ANO3: variants seen among roughly 807,000 people sequenced by gnomAD.
ANO3 encodes the protein anoctamin 3, also known as anoctamin-3.
In ANO3, 99 loss-of-function variants were observed where a neutral mutation model predicts 144.8. The ratio of observed to expected loss-of-function variants is 0.68; its 90% CI spans 0.58 to 0.81. ANO3 has a LOEUF of 0.81. ANO3 is among the 30% of genes least tolerant of loss of function. ANO3 has a pLI of 0.00. For synonymous variants in ANO3, 414 were observed against 392.6 expected (o/e 1.05, Z -0.64); for missense variants, 905 against 1,202.2 (o/e 0.75, Z 3.66).
intron 1 of ANO3, among the ~76,000 whole-genome samples, chr11:26,422,990 G>T (rs1385926917): frequency 3.3e-5 from 5 of 152,080 alleles, no homozygotes; most frequent in Middle Eastern, 6.8e-3. Flanking sequence ...CCGCATTAAA[G>T]ATATATGGGC....
At chr11:26,193,794 A>G (rs1353008415) in intron 1 of ANO3, among the ~76,000 whole-genome samples, 1 of 152,202 alleles carries the variant, frequency 6.6e-6, no homozygotes. Flanking sequence ...TGGTTGGGAC[A>G]GAAGTAGAAG....
chr11:26,356,937 AT>A (rs1402242877), intron 1 of ANO3, among the ~76,000 whole-genome samples: 2 of 152,170 alleles, frequency 1.3e-5, no homozygotes, highest in Non-Finnish European at 2.9e-5. Flanking sequence ...TTATAAGGAC[AT>A]TGGAAATTAT....
At chr11:26,446,361 T>C (rs955500708) in intron 3 of ANO3, among the ~76,000 whole-genome samples, 1 of 152,194 alleles carries the variant, frequency 6.6e-6, no homozygotes, top group Non-Finnish European at 1.5e-5. Context: ...GATTATTGCA[T>C]GGGAATTTCC....
intron 1 of ANO3, chr11:26,208,399 G>C (rs1335821095): frequency 6.6e-6 from 1 of 152,420 alleles, no homozygotes; most frequent in Admixed American, 6.6e-5. Context: ...TGTAGTCCCA[G>C]CTACTCCAGA....
Position 26,437,225 on chromosome 11 carries a change from T to C in ANO3, c.47-4693T>C, listed in dbSNP as rs532990721. 3.6e-4 allele frequency among the ~76,000 whole-genome samples: 55 copies of C among 152,322 alleles called. No homozygotes were observed. In the South Asian group the frequency reaches 4.8e-3, roughly 13 times the overall value. ...GTCTAACCTCCCACTTTGCTGGAGT[T>C]GCAGCCACTTTTGCCAGGAAGCCTG... On this transcript the variant is annotated intron_variant, in intron 1 of 26. Transcript: ENST00000256737.
intron 17 of ANO3, among the ~76,000 whole-genome samples, chr11:26,608,015 C>T (rs114740974): frequency 0.15 from 23,486 of 152,178 alleles, 2,082 homozygotes; most frequent in East Asian, 0.32. Flanking sequence ...AAAAGGTATT[C>T]TGGCCTTTTG....
chr11:26,380,655 T>G (rs1440740008), intron 1 of ANO3, among the ~76,000 whole-genome samples: 1 of 152,164 alleles, frequency 6.6e-6, no homozygotes, highest in Non-Finnish European at 1.5e-5. Flanking sequence ...TTTTAACATA[T>G]GAATTTTCAG....
At chr11:26,192,501 A>C (rs912574204) in intron 1 of ANO3, among the ~76,000 whole-genome samples, 1 of 152,212 alleles carries the variant, frequency 6.6e-6, no homozygotes, top group East Asian at 1.9e-4. Context: ...GTATGTCTAA[A>C]AGGAAGTGTT....
At chr11:26,303,608 C>A (rs1854287730) in intron 1 of ANO3, among the ~76,000 whole-genome samples, 1 of 152,196 alleles carries the variant, frequency 6.6e-6, no homozygotes, top group African/African-American at 2.4e-5. Flanking sequence ...TGCTCACTAC[C>A]TAGCTGATGG....
chr11:26,482,000 C>A (rs546692368), intron 4 of ANO3, among the ~76,000 whole-genome samples: 1 of 151,998 alleles, frequency 6.6e-6, no homozygotes, highest in Non-Finnish European at 1.5e-5. Flanking sequence ...TCAAGCATTC[C>A]ACTCACCTCA....
intron 1 of ANO3, among the ~76,000 whole-genome samples, chr11:26,248,121 T>C (rs1002085190): frequency 6.6e-6 from 1 of 151,876 alleles, no homozygotes; most frequent in Non-Finnish European, 1.5e-5. Flanking sequence ...GGGCGAATCA[T>C]GAGGTAAGGA....
chr11:26,363,062 G>C (rs561476949), intron 1 of ANO3, among the ~76,000 whole-genome samples: 2 of 152,148 alleles, frequency 1.3e-5, no homozygotes, highest in Admixed American at 1.3e-4. Flanking sequence ...AACCTCAGTT[G>C]GTTGGCATAA....
At chr11:26,229,500 T>C (rs1852342993) in intron 1 of ANO3, among the ~76,000 whole-genome samples, 1 of 152,220 alleles carries the variant, frequency 6.6e-6, no homozygotes, top group Non-Finnish European at 1.5e-5. Context: ...ACTTCGCCAA[T>C]GACAAAGTAT....
In ANO3 at chr11:26,534,496, A is replaced by T; in HGVS notation, c.910A>T (p.Thr304Ser). ...NNKDTFFSNATRSRIVYHMLE... is the reference protein window; with the variant it reads ...NNKDTFFSNASRSRIVYHMLE... ...TAAAGACACCTTCTTCAGCAATGCT[A>T]CTCGAAGCAGAATAGTCTATCACAT... Residue 304 changes from threonine to serine, a missense_variant, in exon 9 of 27, where the codon ACT (threonine) becomes TCT (serine). Coordinates refer to ENST00000256737, the MANE Select transcript of ANO3 (RefSeq NM_031418.4). The T allele has an allele frequency of 6.2e-7, 1 of 1,613,276 alleles. No individual in the cohort carries two copies. The highest frequency in any genetic ancestry group is 1.3e-5 in the African/African-American group (1 of 75,038).
At chr11:26,437,521 T>C (rs750551977) in intron 1 of ANO3, among the ~76,000 whole-genome samples, 11 of 152,196 alleles carry the variant, frequency 7.2e-5, no homozygotes, top group Non-Finnish European at 1.0e-4. Context: ...TTCTCCATTC[T>C]CCATTGGTCA....
upstream of ANO3, among the ~76,000 whole-genome samples, chr11:26,308,507 A>G (rs1212827548): frequency 6.6e-6 from 1 of 152,216 alleles, no homozygotes; most frequent in East Asian, 1.9e-4. Context: ...TTAAGCAGAT[A>G]TTTTACAGAA....
intron 11 of ANO3, among the ~76,000 whole-genome samples, chr11:26,545,454 G>T (rs1053454790): frequency 6.6e-6 from 1 of 151,922 alleles, no homozygotes; most frequent in Admixed American, 6.6e-5. Flanking sequence ...GTTGCAATCT[G>T]TTTTTCCATG....
At chr11:26,487,720 C>A (rs528788041) in intron 4 of ANO3, among the ~76,000 whole-genome samples, 1 of 152,284 alleles carries the variant, frequency 6.6e-6, no homozygotes, top group Non-Finnish European at 1.5e-5. Flanking sequence ...AAAGGTGACT[C>A]CTGTTACGTC....
intron 7 of ANO3, among the ~76,000 whole-genome samples, chr11:26,528,686 T>C (rs1421236583): frequency 6.6e-6 from 1 of 152,072 alleles, no homozygotes; most frequent in South Asian, 2.1e-4. Context: ...AGATTAGAAA[T>C]GTTTAGCCCA....
Sources: gnomAD v4.1 joint callset for allele counts (sites outside exome capture counted in the v4.1 genomes callset) on GRCh38, gnomAD v4.1.1 for gene constraint, MANE v1.5 for transcripts, NCBI Gene and HGNC (gene_info 2026-07-23, HGNC 2026-07-21) for gene names.